RPSA2: variants seen among roughly 807,000 people sequenced by gnomAD.
RPSA2 encodes the protein small ribosomal subunit protein uS2B.
chr19:23,770,025 T>C, the RPSA2 span, among the ~76,000 whole-genome samples: 3 of 152,164 alleles, frequency 2.0e-5, no homozygotes, highest in African/African-American at 7.2e-5. Context: ...TGCTCATGCA[T>C]GTGCTCTGCG....
the RPSA2 span, among the ~76,000 whole-genome samples, chr19:23,836,070 G>C: frequency 6.6e-6 from 1 of 152,246 alleles, no homozygotes; most frequent in East Asian, 1.9e-4. Flanking sequence ...CTTTAGTGGT[G>C]ATTTGTGAGA....
chr19:23,758,594 T>G, the RPSA2 span, among the ~76,000 whole-genome samples: 1 of 152,184 alleles, frequency 6.6e-6, no homozygotes, highest in Non-Finnish European at 1.5e-5. Flanking sequence ...GGGGGCTGGC[T>G]GTCAGCGCAG....
chr19:23,788,205 C>T, the RPSA2 span, among the ~76,000 whole-genome samples: 1 of 151,636 alleles, frequency 6.6e-6, no homozygotes, highest in African/African-American at 2.4e-5. Context: ...CAAGGCCTTG[C>T]CTACTGTAGT....
chr19:23,867,151 A>T, the RPSA2 span, among the ~76,000 whole-genome samples: 2 of 151,600 alleles, frequency 1.3e-5, no homozygotes, highest in African/African-American at 4.8e-5. Context: ...GGTACAAATT[A>T]AAAAAAAATG....
At chr19:23,786,239 C>T in the RPSA2 span, among the ~76,000 whole-genome samples, 14 of 152,280 alleles carry the variant, frequency 9.2e-5, no homozygotes, top group Non-Finnish European at 1.6e-4. Context: ...TACTTAGACC[C>T]AACATAGAAA....
At chr19:23,841,381 G>T in the RPSA2 span, among the ~76,000 whole-genome samples, 1 of 151,916 alleles carries the variant, frequency 6.6e-6, no homozygotes, top group South Asian at 2.1e-4. Context: ...GGAGAATGGC[G>T]TGAACCTGAG....
At chr19:23,869,921 C>T in the RPSA2 span, among the ~76,000 whole-genome samples, 17,862 of 152,178 alleles carry the variant, frequency 0.12, 1,104 homozygotes, top group East Asian at 0.22. Flanking sequence ...GCAGCTAAGG[C>T]GGACCAGCTC....
the RPSA2 span, among the ~76,000 whole-genome samples, chr19:23,802,822 G>A: frequency 6.6e-6 from 1 of 151,952 alleles, no homozygotes; most frequent in Non-Finnish European, 1.5e-5. Flanking sequence ...TCATATGGTG[G>A]GTACAATAAA....
the RPSA2 span, among the ~76,000 whole-genome samples, chr19:23,831,025 C>T: frequency 6.6e-6 from 1 of 151,882 alleles, no homozygotes; most frequent in Non-Finnish European, 1.5e-5. Flanking sequence ...AGAGTTTACT[C>T]TTGTTATTTT....
chr19:23,809,201 G>A, the RPSA2 span: 2 of 151,976 alleles, frequency 1.3e-5, no homozygotes, highest in Non-Finnish European at 2.9e-5. Flanking sequence ...CGAGAGTGAC[G>A]GTTTCTGTTT....
chr19:23,845,684 G>A, the RPSA2 span, among the ~76,000 whole-genome samples: 6 of 152,176 alleles, frequency 3.9e-5, no homozygotes, highest in African/African-American at 9.6e-5. Context: ...GTAGCAATGC[G>A]GTTTTTGCAT....
chr19:23,827,483 T>C, the RPSA2 span: 5 of 1,591,704 alleles, frequency 3.1e-6, no homozygotes, highest in South Asian at 4.4e-5. Flanking sequence ...TCCTGGAACC[T>C]TCACTAACCA....
At chr19:23,852,912 GA>G in the RPSA2 span, among the ~76,000 whole-genome samples, 1 of 152,212 alleles carries the variant, frequency 6.6e-6, no homozygotes, top group Non-Finnish European at 1.5e-5. Context: ...GGTGTCTGTT[GA>G]ATTTTATCCT....
chr19:23,852,530 T>C, the RPSA2 span, among the ~76,000 whole-genome samples: 1 of 152,230 alleles, frequency 6.6e-6, no homozygotes, highest in Non-Finnish European at 1.5e-5. Flanking sequence ...AACGAAAGGA[T>C]GGGCCAAATT....
chr19:23,865,244 G>T, the RPSA2 span, among the ~76,000 whole-genome samples: 1 of 152,232 alleles, frequency 6.6e-6, no homozygotes, highest in Non-Finnish European at 1.5e-5. Context: ...GGCAGCATTT[G>T]TCTGTTGAAG....
At chr19:23,833,367 A>G in the RPSA2 span, 2 of 237,752 alleles carry the variant, frequency 8.4e-6, no homozygotes, top group Non-Finnish European at 1.4e-5. Context: ...AAGGTTATTT[A>G]TACTGGAGAG....
chr19:23,843,554 T>C, the RPSA2 span, among the ~76,000 whole-genome samples: 1 of 152,220 alleles, frequency 6.6e-6, no homozygotes, highest in Non-Finnish European at 1.5e-5. Context: ...ATATACCTGC[T>C]CTTCCATTGC....
chr19:23,864,257 C>A, the RPSA2 span, among the ~76,000 whole-genome samples: 3 of 152,218 alleles, frequency 2.0e-5, no homozygotes, highest in East Asian at 3.8e-4. Context: ...TTTTTAATTT[C>A]TCTGAAGTAA....
chr19:23,839,338 C>T, the RPSA2 span, among the ~76,000 whole-genome samples: 25 of 152,046 alleles, frequency 1.6e-4, no homozygotes, highest in Non-Finnish European at 2.4e-4. Context: ...TTTATTGAGG[C>T]GCGTTATGAT....
Sources: allele counts gnomAD v4.1 joint callset (sites outside exome capture counted in the v4.1 genomes callset), GRCh38; gene constraint gnomAD v4.1.1; transcripts MANE v1.5; gene names NCBI Gene and HGNC (gene_info 2026-07-23, HGNC 2026-07-21).